Variants in SVOPL observed in about 807,000 individuals in gnomAD.
SVOPL encodes putative transporter SVOPL.
Under a neutral mutation model 61.0 loss-of-function variants are expected in SVOPL, and 60 were observed. The observed-to-expected ratio is 0.98, with a 90% CI of 0.80 to 1.22. The LOEUF is 1.22. SVOPL is among the 50% of genes most tolerant of loss of function. The pLI is 0.00. For synonymous variants in SVOPL, 279 were observed against 250.0 expected (o/e 1.12, Z -1.09); for missense variants, 662 against 643.9 (o/e 1.03, Z -0.30).
At chr7:138,652,975 G>A (rs115958939) in intron 7 of SVOPL, among the ~76,000 whole-genome samples, 1 of 152,146 alleles carries the variant, frequency 6.6e-6, no homozygotes, top group Non-Finnish European at 1.5e-5. Flanking sequence ...AACAAAAGTG[G>A]TAAGAAAGTG....
At chr7:138,693,577 A>AAAG (rs1563140875) in intron 1 of SVOPL, among the ~76,000 whole-genome samples, 11 of 76,068 alleles carry the variant, frequency 1.4e-4, no homozygotes, top group Admixed American at 2.8e-4. Context: ...AAGAAAGAAA[A>AAAG]AAGGAAAGAA....
intron 13 of SVOPL, among the ~76,000 whole-genome samples, chr7:138,622,397 C>T (rs546851432): frequency 3.9e-5 from 6 of 152,270 alleles, no homozygotes; most frequent in Admixed American, 2.6e-4. Context: ...TGGGTTCAAC[C>T]GATTCACCTG....
rs1799083427 is a variant in SVOPL at position 138,612,427 on chromosome 7, A to AT, written c.1353+8618_1353+8619insA. Among the ~76,000 whole-genome samples, 3 of 18,422 alleles carry AT rather than the reference A, an allele frequency of 1.6e-4. 1 individual carries two copies. The highest frequency in any genetic ancestry group is 4.4e-4 in the Non-Finnish European group (3 of 6,894). The allele number at this position is 18,422 out of a possible 152,430, so 12.1% of individuals were successfully genotyped here. On this transcript the variant is annotated intron_variant, in intron 14 of 15. Coordinates refer to ENST00000674285, the MANE Select transcript of SVOPL (RefSeq NM_001139456.2). Reference sequence around the variant, plus strand: ...AATTAAAAAAAAAAAAAAAAAATAAAATAAAAAATAAAAAAAAAATAAAAA... The same window carrying AT: ...AATTAAAAAAAAAAAAAAAAAATAAATATAAAAAATAAAAAAAAAATAAAAA...
chr7:138,616,812 A>G (rs770875228), intron 14 of SVOPL, among the ~76,000 whole-genome samples: 2 of 152,056 alleles, frequency 1.3e-5, no homozygotes, highest in Non-Finnish European at 2.9e-5. Flanking sequence ...TTTATGACAG[A>G]GTCTTACTCT....
chr7:138,687,965 C>A lies in SVOPL; in HGVS notation c.-34-8886G>T, dbSNP rs915921155. ...TACAGGTGTGCACCACCACACACAG[C>A]TAATTTTTGTATTTTTTAGTAGAGA... On this transcript the variant is annotated intron_variant, in intron 1 of 15. Coordinates refer to ENST00000674285, the MANE Select transcript of SVOPL (RefSeq NM_001139456.2). Among the ~76,000 whole-genome samples, 11 of 151,988 alleles carry A rather than the reference C, an allele frequency of 7.2e-5. 1 individual carries two copies. Among genetic ancestry groups the A allele is most frequent in the Non-Finnish European group, 1.5e-4 (10 of 68,008 alleles).
intron 1 of SVOPL, among the ~76,000 whole-genome samples, chr7:138,687,037 C>A (rs1184800716): frequency 6.6e-6 from 1 of 152,026 alleles, no homozygotes; most frequent in African/African-American, 2.4e-5. Flanking sequence ...CAAGAGCGAA[C>A]ATAGAAAGTA....
At chr7:138,681,384 TAAAC>T (rs1019289775) in intron 1 of SVOPL, among the ~76,000 whole-genome samples, 5 of 150,620 alleles carry the variant, frequency 3.3e-5, no homozygotes, top group East Asian at 1.9e-4. Context: ...TAAATAAACA[TAAAC>T]AAACAAACCC....
chr7:138,605,480 A>G (rs1259832575), intron 14 of SVOPL, among the ~76,000 whole-genome samples: 3 of 151,944 alleles, frequency 2.0e-5, no homozygotes, highest in African/African-American at 7.3e-5. Context: ...TGGCCAACAC[A>G]GCGAAACCCG....
intron 13 of SVOPL, 65 bp downstream of exon 13, chr7:138,625,904 G>T: frequency 6.6e-7 from 1 of 1,521,284 alleles, no homozygotes; most frequent in East Asian, 2.3e-5. Context: ...CATTACCTTT[G>T]GATGGACATC....
chr7:138,698,879 G>A (rs531141248), intron 1 of SVOPL, among the ~76,000 whole-genome samples: 22 of 152,214 alleles, frequency 1.4e-4, no homozygotes, highest in African/African-American at 4.1e-4. Flanking sequence ...GGCTGGGGGC[G>A]GTGGCTCACA....
intron 14 of SVOPL, among the ~76,000 whole-genome samples, chr7:138,608,675 A>G (rs955421923): frequency 1.3e-5 from 2 of 151,854 alleles, no homozygotes; most frequent in East Asian, 3.8e-4. Context: ...TTATACTTCA[A>G]TCAAAAGTGT....
intron 13 of SVOPL, among the ~76,000 whole-genome samples, chr7:138,624,709 T>TC (rs1554458260): frequency 4.7e-5 from 7 of 150,464 alleles, no homozygotes; most frequent in African/African-American, 1.7e-4. Flanking sequence ...TTTTTTTTTT[T>TC]AATTTAGAGA....
In SVOPL at chr7:138,628,271, G is replaced by A. The variant is rs201768743; in HGVS notation, c.956C>T (p.Ala319Val). ...DLVCGSKSDSAVVVTGGDSGE... is the reference protein window; with the variant it reads ...DLVCGSKSDSVVVVTGGDSGE... ...TGAGTCCCCCCCAGTCACCACCACCGCAGAGTCTGACTTTGAACCACAGAC... is the reference window on the plus strand; with the variant it reads ...TGAGTCCCCCCCAGTCACCACCACCACAGAGTCTGACTTTGAACCACAGAC... Residue 319 changes from alanine (A) to valine (V), a missense_variant, in exon 11 of 16, where the codon GCG (alanine) becomes GTG (valine). Coordinates refer to ENST00000674285, the MANE Select transcript of SVOPL (RefSeq NM_001139456.2). The A allele has an allele frequency of 9.2e-5, 148 of 1,614,022 alleles. No homozygotes were observed. The highest frequency in any genetic ancestry group is 1.1e-4 in the Non-Finnish European group (131 of 1,180,046).
chr7:138,620,679 T>C (rs926278674), intron 14 of SVOPL, among the ~76,000 whole-genome samples: 3 of 152,146 alleles, frequency 2.0e-5, no homozygotes, highest in African/African-American at 7.2e-5. Flanking sequence ...GGCTCTGTTT[T>C]ACAGTTGCCA....
intron 14 of SVOPL, among the ~76,000 whole-genome samples, chr7:138,597,707 G>A (rs1287849533): frequency 6.6e-6 from 1 of 150,844 alleles, no homozygotes; most frequent in East Asian, 2.0e-4. Flanking sequence ...CTCAGAAAAG[G>A]GATAGAAACC....
chr7:138,646,810 T>G (rs1327708403), intron 8 of SVOPL, among the ~76,000 whole-genome samples: 1 of 152,174 alleles, frequency 6.6e-6, no homozygotes, highest in African/African-American at 2.4e-5. Context: ...TGAGCCACCA[T>G]GTCTGGCCAG....
chr7:138,653,668 G>A (rs112350750), intron 7 of SVOPL, among the ~76,000 whole-genome samples: 504 of 152,164 alleles, frequency 3.3e-3, no homozygotes, highest in South Asian at 0.019. Flanking sequence ...CGGGCATGGC[G>A]GCTCAGCCTG....
At chr7:138,673,675 A>T (rs560626306) in intron 3 of SVOPL, among the ~76,000 whole-genome samples, 25 of 152,130 alleles carry the variant, frequency 1.6e-4, no homozygotes, top group Non-Finnish European at 2.5e-4. Context: ...ATAATGTTTG[A>T]TTTAGTAAAC....
intron 9 of SVOPL, among the ~76,000 whole-genome samples, chr7:138,642,267 AAAAT>A (rs1800843362): frequency 6.8e-6 from 1 of 146,356 alleles, no homozygotes; most frequent in South Asian, 2.2e-4. Context: ...AAAGTCAAAG[AAAAT>A]AAAACGGAAA....
Sources: allele counts gnomAD v4.1 joint callset (sites outside exome capture counted in the v4.1 genomes callset), GRCh38; gene constraint gnomAD v4.1.1; transcripts MANE v1.5; gene names NCBI Gene and HGNC (gene_info 2026-07-23, HGNC 2026-07-21).